ANKMY1: variants seen among roughly 807,000 people sequenced by gnomAD.
The protein encoded by ANKMY1 is ankyrin repeat and MYND domain-containing protein 1.
A neutral mutation model predicts 102.0 loss-of-function variants in ANKMY1; 98 were observed. The observed-to-expected ratio is 0.96, with a 90% confidence interval of 0.82 to 1.14. The LOEUF (loss-of-function observed/expected upper bound fraction) is 1.14. ANKMY1 is among the 50% of genes most tolerant of loss of function. The pLI, the probability that ANKMY1 is intolerant of heterozygous loss-of-function variation, is 0.00. For missense variants in ANKMY1, 1,330 were observed against 1,347.6 expected, an observed-to-expected ratio of 0.99 and a Z score of 0.20; for synonymous variants, 582 against 559.9, an observed-to-expected ratio of 1.04 and a Z score of -0.56.
intron 4 of ANKMY1, among the ~76,000 whole-genome samples, chr2:240,539,350 A>C (rs561383851): frequency 6.6e-6 from 1 of 151,382 alleles, no homozygotes; most frequent in Non-Finnish European, 1.5e-5. Context: ...CAGACGCACC[A>C]CCTTAAGAGC....
Position 240,506,672 on chromosome 2 carries a change from T to C in ANKMY1, c.2526+888A>G, listed in dbSNP as rs1181875248. ...TCTCACCCCCCTCCTCCTTCCCCCT[T>C]TTTCTCCCTCAGACAGGTAAGAACC... is the stretch of plus-strand genomic sequence containing the variant. On this transcript the variant is annotated intron_variant, in intron 13 of 17. Coordinates refer to ENST00000401804, the MANE Select transcript of ANKMY1 (RefSeq NM_001282771.3). The surrounding 1 kb of genome is among the most constrained non-coding windows in gnomAD (Gnocchi z 4.9). Among the ~76,000 whole-genome samples, 1 of 143,970 alleles carries C rather than the reference T, an allele frequency of 6.9e-6. No homozygotes were observed. The allele number at this position is 143,970 out of a possible 152,430, so 94.4% of individuals were successfully genotyped here.
the ANKMY1 span, among the ~76,000 whole-genome samples, chr2:240,473,123 TA>T: frequency 3.7e-5 from 4 of 108,504 alleles, no homozygotes; most frequent in Admixed American, 9.8e-5. Flanking sequence ...AAACTCTGTC[TA>T]AAAAAAAAAA....
At chr2:240,510,395 T>G (rs1244456881) in intron 11 of ANKMY1, among the ~76,000 whole-genome samples, 2 of 151,578 alleles carry the variant, frequency 1.3e-5, no homozygotes, top group African/African-American at 4.8e-5. Flanking sequence ...GTCCATTCTC[T>G]CATCCTTGCT....
chr2:240,478,614 G>GTGACCGCTT (rs1559216260), downstream of ANKMY1, among the ~76,000 whole-genome samples: 1 of 152,030 alleles, frequency 6.6e-6, no homozygotes, highest in Admixed American at 6.5e-5. Flanking sequence ...GCCACCCAGC[G>GTGACCGCTT]GTCAGCTTGT....
intron 4 of ANKMY1, among the ~76,000 whole-genome samples, chr2:240,531,587 G>T (rs2085403085): frequency 6.6e-6 from 1 of 152,256 alleles, no homozygotes; most frequent in African/African-American, 2.4e-5. Flanking sequence ...AAACATGTAT[G>T]AGTCTCAAAA....
chr2:240,560,856 CCG>C, upstream of ANKMY1: 2 of 1,393,438 alleles, frequency 1.4e-6, no homozygotes, highest in South Asian at 1.6e-5. Flanking sequence ...GCAGCCCGGC[CCG>C]CGCGCGCCCG....
At chr2:240,542,231 G>A (rs1163600097) in intron 4 of ANKMY1, among the ~76,000 whole-genome samples, 2 of 150,592 alleles carry the variant, frequency 1.3e-5, no homozygotes, top group Non-Finnish European at 3.0e-5. Context: ...AAAAGGGCCA[G>A]GCATAGTGGC....
intron 15 of ANKMY1, among the ~76,000 whole-genome samples, chr2:240,485,036 AG>A (rs1288167848): frequency 6.6e-6 from 1 of 152,198 alleles, no homozygotes; most frequent in Non-Finnish European, 1.5e-5. Flanking sequence ...GATCATTAAA[AG>A]CCAGGAAACA....
At chr2:240,537,655 G>A (rs1164766977) in intron 4 of ANKMY1, among the ~76,000 whole-genome samples, 2 of 152,224 alleles carry the variant, frequency 1.3e-5, no homozygotes, top group Admixed American at 1.3e-4. Flanking sequence ...GGAGGCCCGT[G>A]TTTCATGTTG....
chr2:240,536,208 A>G (rs1290181833), intron 4 of ANKMY1, among the ~76,000 whole-genome samples: 5 of 152,256 alleles, frequency 3.3e-5, no homozygotes, highest in South Asian at 4.1e-4. Context: ...TAGAAAGAAT[A>G]TATATCATTA....
At chr2:240,501,553 T>C (rs958988004) in intron 13 of ANKMY1, among the ~76,000 whole-genome samples, 3 of 152,194 alleles carry the variant, frequency 2.0e-5, no homozygotes, top group Non-Finnish European at 2.9e-5. Flanking sequence ...GTGTGTGCCT[T>C]GCTAGCCAAG....
intron 3 of ANKMY1, chr2:240,553,714 G>C (rs79374310): frequency 6.6e-6 from 1 of 152,314 alleles, no homozygotes; most frequent in Non-Finnish European, 1.5e-5. Context: ...GACCAACATG[G>C]TGAAACCCTG....
rs538968578 is a variant in ANKMY1 at position 240,545,520 on chromosome 2, GA to G, written c.480+7393del. Among the ~76,000 whole-genome samples the G allele has an allele frequency of 4.9e-3, 750 of 152,346 alleles. 8 individuals are homozygous for G. Among genetic ancestry groups the G allele is most frequent in the African/African-American group, 0.017 (712 of 41,574 alleles). On this transcript the variant is annotated intron_variant, in intron 4 of 17. Transcript: ENST00000401804. Reference sequence around the variant, plus strand: ...ACAAAGCTGGACGGAGAATGACTTTGACGAGCTGAGAGAAGAAGGCTTCAGA... The same window carrying G: ...ACAAAGCTGGACGGAGAATGACTTTGCGAGCTGAGAGAAGAAGGCTTCAGA...
intron 11 of ANKMY1, among the ~76,000 whole-genome samples, chr2:240,509,906 A>G (rs1396989499): frequency 1.3e-5 from 2 of 151,800 alleles, no homozygotes; most frequent in East Asian, 3.9e-4. Flanking sequence ...CACTCTCTGC[A>G]CCAGGAGGGC....
Position 240,499,822 on chromosome 2 carries a change from G to C in ANKMY1, c.2806+136C>G. ...TCCTTGGACGACGGGACACAAAGGGGACAAGCCGACGAGCCCAGCCCCAGG... is the reference window on the plus strand; with the variant it reads ...TCCTTGGACGACGGGACACAAAGGGCACAAGCCGACGAGCCCAGCCCCAGG... On this transcript the variant is annotated intron_variant, in intron 15 of 17. Coordinates refer to ENST00000401804, the MANE Select transcript of ANKMY1 (RefSeq NM_001282771.3). The surrounding 1 kb of genome is among the most constrained non-coding windows in gnomAD (Gnocchi z 4.2). 1 of 1,163,594 alleles carries C rather than the reference G, an allele frequency of 8.6e-7. No homozygotes were observed. Among genetic ancestry groups the C allele is most frequent in the Non-Finnish European group, 1.2e-6 (1 of 850,210 alleles). The allele number at this position is 1,163,594 out of a possible 1,614,324, so 72.1% of individuals were successfully genotyped here. A position where few individuals can be genotyped will look rare whatever the true frequency, so the allele number is the denominator to read the frequency against.
downstream of ANKMY1, among the ~76,000 whole-genome samples, chr2:240,478,300 C>T (rs147752774): frequency 7.8e-3 from 1,181 of 152,278 alleles, 16 homozygotes; most frequent in South Asian, 0.064. Context: ...TAATACAGTG[C>T]GGATAATTGT....
intron 11 of ANKMY1, among the ~76,000 whole-genome samples, chr2:240,510,918 C>T (rs1477866811): frequency 7.9e-5 from 12 of 152,072 alleles, no homozygotes; most frequent in East Asian, 1.9e-4. Flanking sequence ...TCGTCCTTCA[C>T]GGTGGGAGCC....
At position 240,501,542 on chromosome 2, in the gene ANKMY1, C is replaced by T. The variant is rs548138053; in HGVS notation, c.2527-977G>A. ...TCTGTGGAAGGCTCACTGCTGTGTG[C>T]GTGTGTGCCTTGCTAGCCAAGTGCA... is the stretch of plus-strand genomic sequence containing the variant. On this transcript the variant is annotated intron_variant, in intron 13 of 17. Coordinates refer to ENST00000401804, the MANE Select transcript of ANKMY1 (RefSeq NM_001282771.3). Among the ~76,000 whole-genome samples the T allele has an allele frequency of 4.6e-5, 7 of 152,242 alleles. No homozygotes were observed. The East Asian group carries it at 5.8e-4, about 13-fold the overall frequency.
At chr2:240,495,263 C>T (rs2077101755) in intron 15 of ANKMY1, among the ~76,000 whole-genome samples, 1 of 152,118 alleles carries the variant, frequency 6.6e-6, no homozygotes, top group Admixed American at 6.5e-5. Flanking sequence ...GGGAGTCTCC[C>T]TTTCCCCAGA....
Sources: gnomAD v4.1 joint callset for allele counts (sites outside exome capture counted in the v4.1 genomes callset) on GRCh38, gnomAD v4.1.1 for gene constraint, Gnocchi (gnomAD v3.1) non-coding constraint, MANE v1.5 for transcripts, NCBI Gene and HGNC (gene_info 2026-07-23, HGNC 2026-07-21) for gene names.